Variants in GLI3 observed in about 807,000 individuals in gnomAD.
The protein encoded by GLI3 is GLI family zinc finger 3, also known as transcription activator GLI3.
Under a neutral mutation model 100.8 loss-of-function variants are expected in GLI3, and 20 were observed. That is an observed-to-expected ratio of 0.20 (90% CI 0.14 to 0.29). The LOEUF is 0.29. Among genes scored for constraint, GLI3 ranks in the 10% least tolerant of loss-of-function variants. The pLI is 1.00. For missense variants in GLI3, 2,040 were observed against 2,128.5 expected (o/e 0.96, Z 0.82); for synonymous variants, 938 against 860.5 (o/e 1.09, Z -1.58).
At chr7:42,119,290 A>G (rs763391446) in intron 3 of GLI3, among the ~76,000 whole-genome samples, 1 of 152,206 alleles carries the variant, frequency 6.6e-6, no homozygotes, top group Non-Finnish European at 1.5e-5. Flanking sequence ...TTTTTCCTCG[A>G]CCGGTTTTTG....
At chr7:42,156,394 C>T (rs1309373143) in intron 2 of GLI3, among the ~76,000 whole-genome samples, 1 of 152,148 alleles carries the variant, frequency 6.6e-6, no homozygotes, top group African/African-American at 2.4e-5. Context: ...AAAAATTTTG[C>T]CTTTTGCTTG....
At chr7:42,189,723 C>T (rs543889364) in intron 2 of GLI3, among the ~76,000 whole-genome samples, 1 of 152,246 alleles carries the variant, frequency 6.6e-6, no homozygotes, top group Non-Finnish European at 1.5e-5. Flanking sequence ...TGAGAATGTT[C>T]TTACCAAAAC....
At chr7:42,006,331 CA>C (rs1322409450) in intron 10 of GLI3, among the ~76,000 whole-genome samples, 1 of 152,064 alleles carries the variant, frequency 6.6e-6, no homozygotes, top group Non-Finnish European at 1.5e-5. Context: ...GAGTGAGGCT[CA>C]GGAACAGACA....
intron 3 of GLI3, among the ~76,000 whole-genome samples, chr7:42,087,794 TG>T (rs1367032200): frequency 6.6e-6 from 1 of 152,054 alleles, no homozygotes; most frequent in South Asian, 2.1e-4. Context: ...TGGAATCCAT[TG>T]AAATTCCAGC....
At chr7:42,175,810 C>CAAA (rs1166883183) in intron 2 of GLI3, among the ~76,000 whole-genome samples, 1 of 152,242 alleles carries the variant, frequency 6.6e-6, no homozygotes, top group South Asian at 2.1e-4. Context: ...TCAGACTGTA[C>CAAA]AAAACCCTTT....
At chr7:42,107,722 A>G (rs997954264) in intron 3 of GLI3, among the ~76,000 whole-genome samples, 1 of 152,140 alleles carries the variant, frequency 6.6e-6, no homozygotes, top group Non-Finnish European at 1.5e-5. Context: ...GAGGGTGGAG[A>G]AAGGCTTAAG....
chr7:42,114,022 T>C (rs563096377), intron 3 of GLI3, among the ~76,000 whole-genome samples: 2 of 152,326 alleles, frequency 1.3e-5, no homozygotes, highest in South Asian at 4.1e-4. Context: ...CAGACATCTG[T>C]TGGGACATGA....
intron 1 of GLI3, among the ~76,000 whole-genome samples, chr7:42,234,654 CCTACCAGCCTACTAACAATAATACAAT>C (rs1299835365): frequency 6.6e-6 from 1 of 152,102 alleles, no homozygotes; most frequent in Non-Finnish European, 1.5e-5. Context: ...CTGAGTTGGA[CCTACCAGCCTACTAACAATAATACAAT>C]CTATATCTTT....
At chr7:42,123,904 A>G (rs1232968143) in intron 3 of GLI3, among the ~76,000 whole-genome samples, 1 of 152,202 alleles carries the variant, frequency 6.6e-6, no homozygotes. Context: ...CTGATTCAGG[A>G]GTCTGGCACG....
intron 6 of GLI3, among the ~76,000 whole-genome samples, chr7:42,044,580 G>C (rs1265990632): frequency 6.6e-6 from 1 of 152,050 alleles, no homozygotes; most frequent in East Asian, 1.9e-4. Flanking sequence ...TTCTGATTTG[G>C]AAAAAGTTTT....
intron 10 of GLI3, among the ~76,000 whole-genome samples, chr7:41,983,061 T>G (rs114993469): frequency 0.013 from 1,920 of 152,206 alleles, 37 homozygotes; most frequent in African/African-American, 0.045. Flanking sequence ...ATTCTTTGAC[T>G]TTTTTTTCAA....
At chr7:42,202,797 C>T (rs1357122388) in intron 2 of GLI3, among the ~76,000 whole-genome samples, 1 of 152,184 alleles carries the variant, frequency 6.6e-6, no homozygotes, top group Non-Finnish European at 1.5e-5. Flanking sequence ...ACGGGGGTCC[C>T]ACTGACGTCA....
At chr7:42,107,321 G>C (rs2128764727) in intron 3 of GLI3, among the ~76,000 whole-genome samples, 1 of 152,232 alleles carries the variant, frequency 6.6e-6, no homozygotes, top group South Asian at 2.1e-4. Context: ...CAGTGACCCT[G>C]TCTCAAAGGG....
intron 4 of GLI3, among the ~76,000 whole-genome samples, chr7:42,052,334 C>G (rs1015262341): frequency 2.6e-5 from 4 of 152,192 alleles, no homozygotes; most frequent in Admixed American, 2.6e-4. Flanking sequence ...TCACACCAGT[C>G]GGCTTTGCTC....
chr7:42,113,353 G>A (rs1260723044), intron 3 of GLI3: 2 of 664,388 alleles, frequency 3.0e-6, no homozygotes, highest in Non-Finnish European at 2.8e-6. Flanking sequence ...TCCCGTCGCT[G>A]TTGTTGCCAG....
chr7:42,084,200 C>T (rs1785053898), intron 3 of GLI3, among the ~76,000 whole-genome samples: 1 of 152,206 alleles, frequency 6.6e-6, no homozygotes, highest in African/African-American at 2.4e-5. Context: ...GCCACACCCA[C>T]AATTCATCCT....
intron 5 of GLI3, among the ~76,000 whole-genome samples, chr7:42,048,036 A>G (rs1784280339): frequency 6.6e-6 from 1 of 152,316 alleles, no homozygotes; most frequent in East Asian, 1.9e-4. Context: ...TAACAGACGC[A>G]TCTGTATAAA....
chr7:42,125,295 T>C (rs543444840), intron 3 of GLI3, among the ~76,000 whole-genome samples: 1 of 152,264 alleles, frequency 6.6e-6, no homozygotes, highest in Admixed American at 6.5e-5. Context: ...CCATCTCATG[T>C]AAACCTTAAA....
chr7:41,964,683 C>G lies in GLI3; in HGVS notation c.4390G>C (p.Asp1464His). ...GTCCCCTGTAGCAGGCAGCTGGCGT[C>G]TGAAATAGAGAATGAACCAGCTTTC... Reference protein sequence around the residue: ...DTKAGSFSISDASCLLQGTSA... With the variant: ...DTKAGSFSISHASCLLQGTSA... Residue 1464 changes from aspartate to histidine, a missense_variant, in exon 15 of 15, where the codon GAC becomes CAC. Coordinates refer to ENST00000395925, the MANE Select transcript of GLI3 (RefSeq NM_000168.6). 1 of 1,614,122 alleles carries G rather than the reference C, an allele frequency of 6.2e-7. No homozygotes were observed. The highest frequency in any genetic ancestry group is 1.1e-5 in the South Asian group (1 of 91,090).
Sources: gnomAD v4.1 joint callset for allele counts (sites outside exome capture counted in the v4.1 genomes callset) on GRCh38, gnomAD v4.1.1 for gene constraint, MANE v1.5 for transcripts, NCBI Gene and HGNC (gene_info 2026-07-23, HGNC 2026-07-21) for gene names.